Variants in SETD2 observed in about 807,000 individuals in gnomAD.
The protein encoded by SETD2 is histone-lysine N-methyltransferase SETD2.
In SETD2, 31 loss-of-function variants were observed where a neutral mutation model predicts 242.1. The ratio of observed to expected loss-of-function variants is 0.13; its 90% CI spans 0.10 to 0.17. SETD2 has a LOEUF of 0.17. Ranked by LOEUF, SETD2 falls within the 10% of genes least tolerant of loss-of-function variation. The pLI is 1.00. For missense variants in SETD2, 2,481 were observed against 3,046.3 expected (o/e 0.81, Z 4.37); for synonymous variants, 1,006 against 1,066.5 (o/e 0.94, Z 1.11).
intron 18 of SETD2, among the ~76,000 whole-genome samples, chr3:47,029,358 C>T (rs1371190371): frequency 6.6e-6 from 1 of 151,884 alleles, no homozygotes; most frequent in Admixed American, 6.6e-5. Flanking sequence ...CTGCGTCAAG[C>T]CACCCTTCAA....
intron 6 of SETD2, chr3:47,105,691 T>C: frequency 2.2e-6 from 1 of 445,040 alleles, no homozygotes; most frequent in Non-Finnish European, 4.4e-6. Context: ...TTTGGTGAGG[T>C]CAGGAGATCG....
At chr3:47,154,009 T>TA (rs2044064613) in intron 1 of SETD2, among the ~76,000 whole-genome samples, 1 of 152,176 alleles carries the variant, frequency 6.6e-6, no homozygotes. Context: ...CAATATGCCC[T>TA]AAGGCTCTTT....
rs2041432061 is a variant in SETD2 at position 47,083,999 on chromosome 3, C to T, written c.5781G>A (p.Gln1927=). The change falls in exon 12 of 21, where the codon CAG becomes CAA. Residue 1927 remains glutamine, a synonymous_variant. Transcript: ENST00000409792. ...VEEEEELQSQ[Q]LLPQQLPECK... ...ATTCAGGCAGCTGTTGTGGGAGTAG[C>T]TGTTGTGACTGCAATTCTTCCTCTT... 6.2e-7 allele frequency: 1 copy of T among 1,614,114 alleles called. No homozygotes were observed. Among genetic ancestry groups the T allele is most frequent in the Non-Finnish European group, 8.5e-7 (1 of 1,180,020 alleles).
At chr3:47,150,657 C>T (rs994723585) in intron 1 of SETD2, among the ~76,000 whole-genome samples, 1 of 152,046 alleles carries the variant, frequency 6.6e-6, no homozygotes, top group Non-Finnish European at 1.5e-5. Context: ...AATTCCCTGA[C>T]CTCTGTCCTA....
At chr3:47,042,123 C>A (rs114107073) in intron 17 of SETD2, among the ~76,000 whole-genome samples, 24 of 152,248 alleles carry the variant, frequency 1.6e-4, no homozygotes, top group African/African-American at 5.5e-4. Flanking sequence ...GAGGCCAAGG[C>A]GGGCAGGGCA....
chr3:47,060,473 C>T (rs1280606987), intron 14 of SETD2, among the ~76,000 whole-genome samples: 1 of 152,116 alleles, frequency 6.6e-6, no homozygotes, highest in South Asian at 2.1e-4. Flanking sequence ...TCATCATGAG[C>T]CCCAGAAAGA....
At chr3:47,102,916 T>C (rs572678247) in intron 7 of SETD2, among the ~76,000 whole-genome samples, 20 of 152,238 alleles carry the variant, frequency 1.3e-4, no homozygotes, top group African/African-American at 4.6e-4. Context: ...AATTAAAATT[T>C]AGTTTTGTAT....
chr3:47,045,910 G>C (rs1224097729), intron 16 of SETD2, among the ~76,000 whole-genome samples: 2 of 149,946 alleles, frequency 1.3e-5, no homozygotes, highest in Non-Finnish European at 1.5e-5. Flanking sequence ...TGAGTAGCTG[G>C]GACTACAGGT....
chr3:47,026,163 TC>T (rs1298174887), intron 18 of SETD2, among the ~76,000 whole-genome samples: 1 of 152,144 alleles, frequency 6.6e-6, no homozygotes, highest in Non-Finnish European at 1.5e-5. Context: ...CAGACACTTC[TC>T]AAAAAAAGAT....
intron 17 of SETD2, among the ~76,000 whole-genome samples, chr3:47,039,249 C>T (rs1340162687): frequency 1.3e-5 from 2 of 151,250 alleles, no homozygotes; most frequent in East Asian, 1.9e-4. Flanking sequence ...GAGTCTCGCT[C>T]TGTGACCCAG....
At chr3:47,069,307 T>G (rs910427911) in intron 12 of SETD2, among the ~76,000 whole-genome samples, 5 of 152,192 alleles carry the variant, frequency 3.3e-5, no homozygotes, top group Non-Finnish European at 7.3e-5. Context: ...AGTACCATTC[T>G]GAGATTTATG....
intron 14 of SETD2, among the ~76,000 whole-genome samples, chr3:47,060,710 A>G (rs2040293633): frequency 6.6e-6 from 1 of 152,248 alleles, no homozygotes; most frequent in Non-Finnish European, 1.5e-5. Context: ...CACAATTTAA[A>G]AAACCATAAA....
Position 47,135,791 on chromosome 3 carries a change from C to T in SETD2, c.72-9128G>A, listed in dbSNP as rs553455399. ...CGATCCCACCACTTTGCTCAGTGTC[C>T]TATCCTCTTGCCTCAAGGACTTCCA... On this transcript the variant is annotated intron_variant, in intron 1 of 20. Coordinates refer to ENST00000409792, the MANE Select transcript of SETD2 (RefSeq NM_014159.7). 1.2e-4 allele frequency among the ~76,000 whole-genome samples: 18 copies of T among 152,314 alleles called. No homozygotes were observed. The East Asian group carries it at 3.3e-3, about 28-fold the overall frequency.
intron 9 of SETD2, among the ~76,000 whole-genome samples, chr3:47,088,975 AAT>A (rs1257190555): frequency 6.6e-6 from 1 of 152,198 alleles, no homozygotes; most frequent in East Asian, 1.9e-4. Flanking sequence ...CACTCAATGA[AAT>A]ATAATACTAC....
At chr3:47,049,616 C>T (rs1188267451) in intron 15 of SETD2, among the ~76,000 whole-genome samples, 1 of 147,722 alleles carries the variant, frequency 6.8e-6, no homozygotes, top group African/African-American at 2.5e-5. Flanking sequence ...TTGTGATCCG[C>T]CCGCCTCAGC....
At chr3:47,142,811 G>A (rs893134676) in intron 1 of SETD2, among the ~76,000 whole-genome samples, 2 of 152,008 alleles carry the variant, frequency 1.3e-5, no homozygotes, top group Admixed American at 6.6e-5. Flanking sequence ...GGGATTACAG[G>A]AGCCTGCCAC....
At chr3:47,126,281 CAA>C (rs1208431783) in intron 2 of SETD2, among the ~76,000 whole-genome samples, 1 of 152,224 alleles carries the variant, frequency 6.6e-6, no homozygotes, top group Non-Finnish European at 1.5e-5. Context: ...CTCAGCTTCC[CAA>C]AGTGCTGGGA....
chr3:47,102,273 G>A (rs1011435858), intron 7 of SETD2, among the ~76,000 whole-genome samples: 3 of 152,158 alleles, frequency 2.0e-5, no homozygotes, highest in Non-Finnish European at 2.9e-5. Flanking sequence ...CTAGACATGT[G>A]GCCACCAGCT....
intron 5 of SETD2, 45 bp downstream of exon 5, chr3:47,113,831 C>G (rs2107718003): frequency 6.3e-7 from 1 of 1,585,484 alleles, no homozygotes; most frequent in Non-Finnish European, 8.6e-7. Flanking sequence ...AGAGTGAGAC[C>G]TTGTCTCAAA....
Sources: gnomAD v4.1 joint callset for allele counts (sites outside exome capture counted in the v4.1 genomes callset) on GRCh38, gnomAD v4.1.1 for gene constraint, MANE v1.5 for transcripts, NCBI Gene and HGNC (gene_info 2026-07-23, HGNC 2026-07-21) for gene names.